POMK: variants seen among roughly 807,000 people sequenced by gnomAD.
The protein encoded by POMK is protein O-mannose kinase, also known as Sugen kinase 196.
A neutral mutation model predicts 23.0 loss-of-function variants in POMK; 19 were observed. The ratio of observed to expected loss-of-function variants is 0.83; its 90% CI spans 0.58 to 1.21. The LOEUF (loss-of-function observed/expected upper bound fraction) is 1.21. Among genes scored for constraint, POMK ranks in the 50% most tolerant of loss-of-function variants. The pLI is 0.00. For missense variants in POMK, 410 were observed against 431.3 expected (o/e 0.95, Z 0.44); for synonymous variants, 173 against 171.6 (o/e 1.01, Z -0.06).
intron 4 of POMK, among the ~76,000 whole-genome samples, chr8:43,105,768 A>G (rs1229000910): frequency 1.3e-5 from 2 of 152,150 alleles, no homozygotes; most frequent in Non-Finnish European, 2.9e-5. Context: ...GGTTCAAGCA[A>G]TTCTCCTGCC....
At chr8:43,118,366 A>G (rs1586678984) in intron 4 of POMK, among the ~76,000 whole-genome samples, 1 of 152,362 alleles carries the variant, frequency 6.6e-6, no homozygotes, top group East Asian at 1.9e-4. Flanking sequence ...TTACAAGTGT[A>G]CATTAATAAA....
chr8:43,106,987 G>C (rs548231976), intron 4 of POMK, among the ~76,000 whole-genome samples: 1 of 152,266 alleles, frequency 6.6e-6, no homozygotes, highest in South Asian at 2.1e-4. Flanking sequence ...CTTTGCAGCT[G>C]TCTGAGTATA....
At position 43,103,543 on chromosome 8, in the gene POMK, G is replaced by A. The variant is rs778276455; in HGVS notation, c.-6G>A. ...TGTATTTTAGGAAATTGCAGAGGCC[G>A]TCAACATGGAAAAGCAGCCCCAGAA... On this transcript the variant is annotated 5_prime_UTR_variant, in exon 4 of 5. Coordinates refer to ENST00000331373, the MANE Select transcript of POMK (RefSeq NM_032237.5). 6 of 1,613,588 alleles carry A rather than the reference G, an allele frequency of 3.7e-6. No homozygotes were observed. Among genetic ancestry groups the A allele is most frequent in the Admixed American group, 1.7e-5 (1 of 59,978 alleles).
rs76562395 is a variant in POMK, at chr8:43,108,989, A to G, written c.282+5159A>G. On this transcript the variant is annotated intron_variant, in intron 4 of 4. Coordinates refer to ENST00000331373, the MANE Select transcript of POMK (RefSeq NM_032237.5). The stretch of plus-strand genomic sequence containing the variant: ...GCACGTAACTTTATATCACAAATTT[A>G]TATGAATATAACCCAAAGAAAGTTA... Among the ~76,000 whole-genome samples, 655 of 152,372 alleles carry G rather than the reference A, an allele frequency of 4.3e-3. 2 individuals are homozygous for G. Among genetic ancestry groups the G allele is most frequent in the African/African-American group, 0.014 (572 of 41,602 alleles).
rs1811927296 is a variant in POMK at position 43,122,054 on chromosome 8, T to G, written c.283-53T>G. Reference sequence around the variant, plus strand: ...TTAAAAGATATTTGTTGTTCTTTGGTCACTAAATTAGGTGAGAGTTCAGGC... The same window carrying G: ...TTAAAAGATATTTGTTGTTCTTTGGGCACTAAATTAGGTGAGAGTTCAGGC... On this transcript the variant is annotated intron_variant, in intron 4 of 4. Transcript: ENST00000331373. 3.3e-6 allele frequency: 5 copies of G among 1,535,378 alleles called. No individual in the cohort carries two copies. In the Admixed American group the frequency reaches 8.9e-5, roughly 27 times the overall value.
chr8:43,097,436 A>G (rs1237330050), intron 1 of POMK, 88 bp from the exon 2 acceptor site: 1 of 152,260 alleles, frequency 6.6e-6, no homozygotes, highest in Non-Finnish European at 1.5e-5. Flanking sequence ...TCTTTAAAAA[A>G]AGATCTGAAA....
chr8:43,097,442 T>A (rs897774426), intron 1 of POMK, 82 bp from the exon 2 acceptor site: 1 of 152,166 alleles, frequency 6.6e-6, no homozygotes, highest in Non-Finnish European at 1.5e-5. Context: ...AAAAAAGATC[T>A]GAAAAAATGA....
chr8:43,104,270 A>G (rs1321861838), intron 4 of POMK, among the ~76,000 whole-genome samples: 2 of 151,974 alleles, frequency 1.3e-5, no homozygotes, highest in Non-Finnish European at 2.9e-5. Context: ...CTATGGGCAT[A>G]TGCCACCACG....
chr8:43,108,373 CAG>C (rs1250938394), intron 4 of POMK, among the ~76,000 whole-genome samples: 13 of 152,128 alleles, frequency 8.5e-5, no homozygotes, highest in Non-Finnish European at 1.9e-4. Flanking sequence ...CAAAAGAAAA[CAG>C]ATTCTTATTG....
rs543090972 is a variant in POMK, at chr8:43,114,073, C to T, written c.283-8034C>T. On this transcript the variant is annotated intron_variant, in intron 4 of 4. Coordinates refer to ENST00000331373, the MANE Select transcript of POMK (RefSeq NM_032237.5). ...TTGGGGGTCAGGGGTCAGGGACCCACTTGAGGCAGTCTGCCTGTTGTCAGA... is the reference window on the plus strand; with the variant it reads ...TTGGGGGTCAGGGGTCAGGGACCCATTTGAGGCAGTCTGCCTGTTGTCAGA... Among the ~76,000 whole-genome samples, 5 of 152,340 alleles carry T rather than the reference C, an allele frequency of 3.3e-5. No individual in the cohort carries two copies. In the East Asian group the frequency reaches 9.7e-4, roughly 29 times the overall value.
chr8:43,112,503 C>G (rs1010721411), intron 4 of POMK, among the ~76,000 whole-genome samples: 13 of 152,142 alleles, frequency 8.5e-5, no homozygotes, highest in Non-Finnish European at 1.9e-4. Flanking sequence ...GGATATTATC[C>G]AGGAGAACTT....
At chr8:43,100,834 C>T (rs117941891) in intron 2 of POMK, among the ~76,000 whole-genome samples, 107 of 151,804 alleles carry the variant, frequency 7.0e-4, no homozygotes, top group African/African-American at 2.1e-3. Flanking sequence ...AGGCCCGGTG[C>T]GCTAAGGGTC....
At chr8:43,104,871 A>G (rs1350015240) in intron 4 of POMK, among the ~76,000 whole-genome samples, 1 of 152,082 alleles carries the variant, frequency 6.6e-6, no homozygotes, top group Non-Finnish European at 1.5e-5. Context: ...GTTTGAGGCT[A>G]CAGTAAGCCA....
At chr8:43,119,645 G>T (rs1305693721) in intron 4 of POMK, among the ~76,000 whole-genome samples, 1 of 151,888 alleles carries the variant, frequency 6.6e-6, no homozygotes, top group Non-Finnish European at 1.5e-5. Flanking sequence ...ATGTTGCCAG[G>T]CTGGTCTCGA....
At chr8:43,099,054 C>T (rs1811388724) in intron 2 of POMK, among the ~76,000 whole-genome samples, 1 of 152,206 alleles carries the variant, frequency 6.6e-6, no homozygotes, top group Non-Finnish European at 1.5e-5. Context: ...TCAAATGATC[C>T]TCCCACCTCA....
intron 1 of POMK, 25 bp downstream of exon 1, chr8:43,093,588 AGGGCGAAGGGGCGAGG>A (rs1811268242): frequency 6.6e-6 from 1 of 152,462 alleles, no homozygotes; most frequent in Non-Finnish European, 1.5e-5. Context: ...GAGGGGTGAG[AGGGCGAAGGGGCGAGG>A]GGGCGTGCAG....
At chr8:43,104,817 A>G (rs1811515058) in intron 4 of POMK, among the ~76,000 whole-genome samples, 1 of 152,022 alleles carries the variant, frequency 6.6e-6, no homozygotes, top group African/African-American at 2.4e-5. Context: ...AATGGTGCGC[A>G]CTACTTGGGA....
intron 4 of POMK, among the ~76,000 whole-genome samples, chr8:43,121,469 G>A (rs1023749684): frequency 3.3e-5 from 5 of 152,228 alleles, no homozygotes; most frequent in African/African-American, 1.2e-4. Context: ...TACAGCTGAA[G>A]TAACACCAAA....
chr8:43,118,958 C>T (rs960108233), intron 4 of POMK, among the ~76,000 whole-genome samples: 2 of 152,120 alleles, frequency 1.3e-5, no homozygotes, highest in Admixed American at 6.5e-5. Context: ...ACTACAGGCA[C>T]CTGCCACCAT....
Sources: allele counts gnomAD v4.1 joint callset (sites outside exome capture counted in the v4.1 genomes callset), GRCh38; gene constraint gnomAD v4.1.1; transcripts MANE v1.5; gene names NCBI Gene and HGNC (gene_info 2026-07-23, HGNC 2026-07-21).